Variants in CRX observed in about 807,000 individuals in gnomAD.
CRX encodes the protein cone-rod homeobox protein.
A neutral mutation model predicts 13.1 loss-of-function variants in CRX; 5 were observed. The observed-to-expected ratio is 0.38, with a 90% CI of 0.20 to 0.80. The LOEUF is 0.80. Among genes scored for constraint, CRX ranks in the 30% least tolerant of loss-of-function variants. The pLI is 0.43. For missense variants in CRX, 351 were observed against 391.8 expected (o/e 0.90, Z 0.88); for synonymous variants, 179 against 171.1 (o/e 1.05, Z -0.36).
chr19:47,832,576 C>T (rs919977171), intron 1 of CRX, among the ~76,000 whole-genome samples: 20 of 151,752 alleles, frequency 1.3e-4, no homozygotes, highest in Non-Finnish European at 1.3e-4. Flanking sequence ...GCCTCCGCCT[C>T]CCAGGTTCAA....
rs62128811 is a variant in CRX at position 47,843,252 on chromosome 19, C to G, written c.*3285C>G. ...TGTCACCTTATCTGTCCTCCTCTTC[C>G]CCACACACTGGCCTCTGGGTCCCCC... On this transcript the variant is annotated 3_prime_UTR_variant, in exon 4 of 4. Transcript: ENST00000221996. The G allele has an allele frequency of 0.12, 18,601 of 152,278 alleles. 1,523 individuals carry two copies. Among genetic ancestry groups the G allele is most frequent in the Non-Finnish European group, 0.18 (11,991 of 68,026 alleles). The allele number at this position is 152,278 out of a possible 1,614,324, so 9.4% of individuals were successfully genotyped here. A position where few individuals can be genotyped will look rare whatever the true frequency, so the allele number is the denominator to read the frequency against.
In CRX at chr19:47,840,399, TTTTG is replaced by T; in HGVS notation, c.*436_*439del. 1 of 216,970 alleles carries T rather than the reference TTTTG, an allele frequency of 4.6e-6. No homozygotes were observed. Among genetic ancestry groups the T allele is most frequent in the Admixed American group, 5.3e-5 (1 of 19,014 alleles). 13.4% of individuals were successfully genotyped at this position (216,970 alleles called of 1,614,324 possible). On this transcript the variant is annotated 3_prime_UTR_variant, in exon 4 of 4. Transcript: ENST00000221996. ...CTTTCCACGTGGACAGAATTTTTTT[TTTTG>T]TTTTGTTTTTGTTTTGCAGACACAG...
intron 2 of CRX, among the ~76,000 whole-genome samples, 164 bp from the exon 3 acceptor site, chr19:47,836,079 G>A (rs1320135951): frequency 1.3e-5 from 2 of 152,204 alleles, no homozygotes; most frequent in African/African-American, 4.8e-5. Flanking sequence ...GAGCCACAGA[G>A]TGCCAGGCAC....
At position 47,840,121 on chromosome 19, in the gene CRX, C is replaced by A. The variant is rs1299263899; in HGVS notation, c.*154C>A. 1.0e-5 allele frequency: 8 copies of A among 794,332 alleles called. No homozygotes were observed. The highest frequency in any genetic ancestry group is 1.2e-5 in the Non-Finnish European group (6 of 492,120). The allele number at this position is 794,332 out of a possible 1,614,324, so 49.2% of individuals were successfully genotyped here. A position where few individuals can be genotyped will look rare whatever the true frequency, so the allele number is the denominator to read the frequency against. ...CTCGGTGTTCAGCTTACAGAGACCA[C>A]CCCTTTCCTCCACAGGGAGAGGCTC... On this transcript the variant is annotated 3_prime_UTR_variant, in exon 4 of 4. Transcript: ENST00000221996.
chr19:47,831,135 C>T (rs944386869), intron 1 of CRX, among the ~76,000 whole-genome samples: 1 of 151,508 alleles, frequency 6.6e-6, no homozygotes, highest in East Asian at 1.9e-4. Flanking sequence ...GGTGAAACCC[C>T]GTCTCTACTA....
intron 1 of CRX, among the ~76,000 whole-genome samples, chr19:47,829,661 C>T (rs1485506371): frequency 1.3e-5 from 2 of 151,832 alleles, no homozygotes; most frequent in African/African-American, 4.8e-5. Context: ...ACAAGGTCTT[C>T]CTCTATTGCC....
intron 1 of CRX, among the ~76,000 whole-genome samples, chr19:47,829,704 A>C (rs1413387710): frequency 6.6e-6 from 1 of 151,822 alleles, no homozygotes; most frequent in Non-Finnish European, 1.5e-5. Flanking sequence ...CTCATAGCTC[A>C]CTGCAGTCTC....
At chr19:47,835,389 C>G (rs1340778745) in intron 2 of CRX, among the ~76,000 whole-genome samples, 1 of 149,604 alleles carries the variant, frequency 6.7e-6, no homozygotes, top group Non-Finnish European at 1.5e-5. Flanking sequence ...CTTTTTTTTT[C>G]TTTCGAGACA....
intron 1 of CRX, among the ~76,000 whole-genome samples, chr19:47,828,757 CG>C (rs1368471281): frequency 6.6e-6 from 1 of 151,744 alleles, no homozygotes; most frequent in East Asian, 1.9e-4. Flanking sequence ...GCCCAGGAAA[CG>C]GCTTATGCAA....
Position 47,825,460 on chromosome 19 carries a change from G to A in CRX, c.-36+3450G>A, listed in dbSNP as rs998624955. On this transcript the variant is annotated intron_variant, in intron 1 of 3. Transcript: ENST00000221996. ...GGCCCTTCTGTCATCAGCTGCCTCA[G>A]GTTGCTGCCAAACCCAGGGAAAGAT... 3.9e-5 allele frequency among the ~76,000 whole-genome samples: 6 copies of A among 152,110 alleles called. No individual in the cohort carries two copies. In the East Asian group the frequency reaches 9.6e-4, roughly 24 times the overall value.
chr19:47,836,457 A>C, intron 3 of CRX, 63 bp downstream of exon 3: 1 of 1,603,656 alleles, frequency 6.2e-7, no homozygotes, highest in South Asian at 1.1e-5. Flanking sequence ...GCCTGCCCGG[A>C]ACAAAGAGTG....
chr19:47,832,105 G>GTTTTTTTTTTGTT (rs1968055193), intron 1 of CRX, among the ~76,000 whole-genome samples: 1 of 91,988 alleles, frequency 1.1e-5, no homozygotes, highest in Non-Finnish European at 2.1e-5. Flanking sequence ...GCAGCCTTAT[G>GTTTTTTTTTTGTT]TTTTTTTTTT....
intron 2 of CRX, among the ~76,000 whole-genome samples, chr19:47,834,814 T>C (rs1968096513): frequency 6.6e-6 from 1 of 152,016 alleles, no homozygotes; most frequent in African/African-American, 2.4e-5. Context: ...AACTTTATTA[T>C]TTATTTATTT....
Position 47,840,078 on chromosome 19 carries a change from C to T in CRX, c.*111C>T. On this transcript the variant is annotated 3_prime_UTR_variant, in exon 4 of 4. Transcript: ENST00000221996. ...GCATTCCTGAGAAAGCAACCCGAACCAGCTGTCCTTCTGACAGCTCGGTGT... is the reference window on the plus strand; with the variant it reads ...GCATTCCTGAGAAAGCAACCCGAACTAGCTGTCCTTCTGACAGCTCGGTGT... The T allele has an allele frequency of 7.6e-7, 1 of 1,315,544 alleles. No homozygotes were observed. Among genetic ancestry groups the T allele is most frequent in the East Asian group, 2.4e-5 (1 of 41,548 alleles). The allele number at this position is 1,315,544 out of a possible 1,614,324, so 81.5% of individuals were successfully genotyped here.
At position 47,836,385 on chromosome 19, in the gene CRX, C is replaced by T. The variant is rs1199889504; in HGVS notation, c.243C>T (p.Ser81=). 3.7e-6 allele frequency: 6 copies of T among 1,614,234 alleles called. No homozygotes were observed. The highest frequency in any genetic ancestry group is 4.2e-6 in the Non-Finnish European group (5 of 1,180,040). Residue 81 remains serine, a synonymous_variant, in exon 3 of 4, where the codon TCC becomes TCT. Transcript: ENST00000221996. ...EVALKINLPE[S]RVQVWFKNRR... ...CTCTGAAGATCAATCTGCCTGAGTC[C>T]AGGGTTCAGGTGGGGTGGTGGGTCC... is the stretch of plus-strand genomic sequence containing the variant.
intron 1 of CRX, among the ~76,000 whole-genome samples, chr19:47,827,113 C>T (rs1178111853): frequency 1.3e-5 from 2 of 152,172 alleles, no homozygotes; most frequent in East Asian, 1.9e-4. Context: ...TTAGTAGGGA[C>T]TACACAGGGC....
intron 3 of CRX, 120 bp downstream of exon 3, chr19:47,836,514 G>A: frequency 4.5e-6 from 6 of 1,321,856 alleles, no homozygotes; most frequent in Middle Eastern, 2.2e-4. Context: ...GTTATAAAGG[G>A]GACAATAATC....
At chr19:47,824,289 A>T (rs1351139459) in intron 1 of CRX, among the ~76,000 whole-genome samples, 2 of 152,148 alleles carry the variant, frequency 1.3e-5, no homozygotes, top group Non-Finnish European at 2.9e-5. Flanking sequence ...CCTCTGAGAA[A>T]GGGACCTCTG....
chr19:47,829,569 G>A (rs1968018823), intron 1 of CRX, among the ~76,000 whole-genome samples: 1 of 151,952 alleles, frequency 6.6e-6, no homozygotes, highest in Non-Finnish European at 1.5e-5. Context: ...GACCTCAGGT[G>A]ATCCATCTGC....
Sources: allele counts gnomAD v4.1 joint callset (sites outside exome capture counted in the v4.1 genomes callset), GRCh38; gene constraint gnomAD v4.1.1; transcripts MANE v1.5; gene names NCBI Gene and HGNC (gene_info 2026-07-23, HGNC 2026-07-21).